The following NCBP3 variants were observed in gnomAD, a reference collection of about 807,000 sequenced individuals.
NCBP3 encodes the protein nuclear cap binding subunit 3.
Under a neutral mutation model 75.7 loss-of-function variants are expected in NCBP3, and 20 were observed. The ratio of observed to expected loss-of-function variants is 0.26; its 90% CI spans 0.19 to 0.38. The LOEUF (loss-of-function observed/expected upper bound fraction) is 0.38, where lower values mean the gene tolerates loss of function less well. NCBP3 is among the 10% of genes least tolerant of loss of function. The probability of loss-of-function intolerance (pLI) is 1.00; values close to 1 mark genes in which losing one functional copy is unlikely to be tolerated. For missense variants in NCBP3, 678 were observed against 796.9 expected, an observed-to-expected ratio of 0.85 and a Z score of 1.80; for synonymous variants, 293 against 290.5, an observed-to-expected ratio of 1.01 and a Z score of -0.09.
chr17:3,819,080 G>C (rs2053610347), intron 9 of NCBP3, among the ~76,000 whole-genome samples: 1 of 151,740 alleles, frequency 6.6e-6, no homozygotes, highest in Non-Finnish European at 1.5e-5. Flanking sequence ...TGATTTCACT[G>C]CTTAAAATGG....
In NCBP3 at chr17:3,817,941, A is replaced by G. The variant is rs772347307; in HGVS notation, c.1310+322T>C. 2.3e-4 allele frequency among the ~76,000 whole-genome samples: 35 copies of G among 151,762 alleles called. 1 individual carries two copies. Among genetic ancestry groups the G allele is most frequent in the South Asian group, 1.9e-3 (9 of 4,822 alleles). ...ATAAAAAGTATACTTTTATACAAATATATCTACAGCTTTTCCCTGTGCCAT... is the reference window on the plus strand; with the variant it reads ...ATAAAAAGTATACTTTTATACAAATGTATCTACAGCTTTTCCCTGTGCCAT... On this transcript the variant is annotated intron_variant, in intron 10 of 12. Transcript: ENST00000389005.
Position 3,841,948 on chromosome 17 carries a change from G to A in NCBP3, c.249+1138C>T, listed in dbSNP as rs148687801. On this transcript the variant is annotated intron_variant, in intron 2 of 12. Transcript: ENST00000389005. ...ATTCAGAAATGTAATACAAAATTCT[G>A]TTCCAAACTTAACTGTAAACATTAA... Among the ~76,000 whole-genome samples the A allele has an allele frequency of 4.9e-3, 736 of 151,746 alleles. 2 individuals are homozygous for A. The highest frequency in any genetic ancestry group is 0.017 in the African/African-American group (693 of 41,334).
intron 7 of NCBP3, chr17:3,822,692 T>C (rs218721): frequency 0.12 from 18,199 of 152,266 alleles, 1,971 homozygotes; most frequent in African/African-American, 0.29. Context: ...TTGTCAAAAG[T>C]AGTAATACAA....
intron 1 of NCBP3, among the ~76,000 whole-genome samples, chr17:3,845,509 G>C (rs1321037333): frequency 1.3e-5 from 2 of 152,100 alleles, no homozygotes; most frequent in African/African-American, 2.4e-5. Flanking sequence ...AGCTGCGGGG[G>C]GGGCAAGATG....
chr17:3,814,282 C>T (rs2053483338), intron 12 of NCBP3, 40 bp downstream of exon 12: 3 of 1,607,462 alleles, frequency 1.9e-6, no homozygotes, highest in African/African-American at 2.7e-5. Flanking sequence ...CCTCTGCTCT[C>T]ACTGAATCCC....
chr17:3,809,683 A>C lies in NCBP3; in HGVS notation c.*3361T>G, dbSNP rs1432869634. On this transcript the variant is annotated 3_prime_UTR_variant, in exon 13 of 13. Transcript: ENST00000389005. ...ATCGTGCCATTGCACTCCAGCCTGCACAACAAGAGCGAAACTGTGTCTCAA... is the reference window on the plus strand; with the variant it reads ...ATCGTGCCATTGCACTCCAGCCTGCCCAACAAGAGCGAAACTGTGTCTCAA... 6.6e-6 allele frequency: 1 copy of C among 152,216 alleles called. No homozygotes were observed. 9.4% of individuals were successfully genotyped at this position (152,216 alleles called of 1,614,324 possible). A position where few individuals can be genotyped will look rare whatever the true frequency, so the allele number is the denominator to read the frequency against.
rs983439400 is a variant in NCBP3 at position 3,804,315 on chromosome 17, G to A, written c.*8729C>T. 3 of 152,084 alleles carry A rather than the reference G, an allele frequency of 2.0e-5. No individual in the cohort carries two copies. The highest frequency in any genetic ancestry group is 7.2e-5 in the African/African-American group (3 of 41,392). The allele number at this position is 152,084 out of a possible 1,614,324, so 9.4% of individuals were successfully genotyped here. Reference sequence around the variant, plus strand: ...TAATCCCAGCACTTTGGGAAGCCGAGGTAGGCGGATCGCCTGAGTTCAGGA... The same window carrying A: ...TAATCCCAGCACTTTGGGAAGCCGAAGTAGGCGGATCGCCTGAGTTCAGGA... On this transcript the variant is annotated 3_prime_UTR_variant, in exon 13 of 13. Transcript: ENST00000389005.
At position 3,825,785 on chromosome 17, in the gene NCBP3, C is replaced by T; in HGVS notation, c.669G>A (p.Glu223=). 6.4e-7 allele frequency: 1 copy of T among 1,550,964 alleles called. No homozygotes were observed. Among genetic ancestry groups the T allele is most frequent in the Non-Finnish European group, 8.7e-7 (1 of 1,146,526 alleles). ...TACTAACCTCTACATCACTTGAGTT[C>T]TCATCTTCAACCTCTCCTTCTTCAG... ...DEAEEGEVED[E]NSSDVELDTL... is the part of the protein sequence containing the mutation. Residue 223 remains glutamate (E), a synonymous_variant, in exon 6 of 13, where the codon GAG becomes GAA. Transcript: ENST00000389005.
rs1174567827 is a variant in NCBP3, at chr17:3,809,332, G to A, written c.*3712C>T. The A allele has an allele frequency of 6.6e-6, 1 of 152,052 alleles. No individual in the cohort carries two copies. Among genetic ancestry groups the A allele is most frequent in the Non-Finnish European group, 1.5e-5 (1 of 68,028 alleles). The allele number at this position is 152,052 out of a possible 1,614,324, so 9.4% of individuals were successfully genotyped here. A position where few individuals can be genotyped will look rare whatever the true frequency, so the allele number is the denominator to read the frequency against. ...TATGACTCAGCAATTCCACTCCTAG[G>A]TATATACCCAAGAGTCATGAAAATA... On this transcript the variant is annotated 3_prime_UTR_variant, in exon 13 of 13. Transcript: ENST00000389005.
intron 4 of NCBP3, among the ~76,000 whole-genome samples, chr17:3,827,455 A>G (rs1051594733): frequency 1.3e-5 from 2 of 152,252 alleles, no homozygotes; most frequent in Admixed American, 1.3e-4. Flanking sequence ...GATATGTAGA[A>G]TGGAGGCATG....
At chr17:3,838,386 T>G (rs2054011885) in intron 3 of NCBP3, among the ~76,000 whole-genome samples, 1 of 152,218 alleles carries the variant, frequency 6.6e-6, no homozygotes, top group African/African-American at 2.4e-5. Context: ...GACTCACAGG[T>G]ATGCTTGCGC....
intron 2 of NCBP3, among the ~76,000 whole-genome samples, chr17:3,841,524 G>A (rs2054061679): frequency 6.7e-6 from 1 of 149,650 alleles, no homozygotes; most frequent in Non-Finnish European, 1.5e-5. Flanking sequence ...ATTATGAATA[G>A]TTTACTTTTT....
chr17:3,838,868 C>G (rs2054019452), intron 3 of NCBP3, among the ~76,000 whole-genome samples: 1 of 152,184 alleles, frequency 6.6e-6, no homozygotes, highest in African/African-American at 2.4e-5. Flanking sequence ...AAGTTCACAA[C>G]AAATAGCAGC....
At chr17:3,840,258 A>T in intron 2 of NCBP3, 53 bp from the exon 3 acceptor site, 1 of 1,410,866 alleles carries the variant, frequency 7.1e-7, no homozygotes, top group Non-Finnish European at 9.8e-7. Context: ...GGCGAGTTAA[A>T]TCACACATGC....
chr17:3,844,290 C>T (rs1343010900), intron 1 of NCBP3, among the ~76,000 whole-genome samples: 5 of 152,188 alleles, frequency 3.3e-5, no homozygotes, highest in Non-Finnish European at 5.9e-5. Context: ...CTTGACCTCT[C>T]TGGGTCTCAG....
intron 3 of NCBP3, among the ~76,000 whole-genome samples, chr17:3,839,136 G>A (rs1346921250): frequency 1.3e-5 from 2 of 152,066 alleles, no homozygotes; most frequent in African/African-American, 4.8e-5. Flanking sequence ...TTTATAAATT[G>A]CTTTAGAAAA....
intron 4 of NCBP3, among the ~76,000 whole-genome samples, chr17:3,827,269 A>C (rs1004647826): frequency 2.6e-5 from 4 of 152,248 alleles, no homozygotes; most frequent in African/African-American, 9.6e-5. Context: ...ACAGGTAGTT[A>C]AACACTCAAT....
chr17:3,808,271 C>G lies in NCBP3; in HGVS notation c.*4773G>C, dbSNP rs892618774. On this transcript the variant is annotated 3_prime_UTR_variant, in exon 13 of 13. Transcript: ENST00000389005. Reference sequence around the variant, plus strand: ...AAACAGTAATGTGTTCCCACATGGGCAAGAAATGACTACATGGGACCTCAA... The same window carrying G: ...AAACAGTAATGTGTTCCCACATGGGGAAGAAATGACTACATGGGACCTCAA... 1.3e-5 allele frequency: 2 copies of G among 152,228 alleles called. No homozygotes were observed. Among genetic ancestry groups the G allele is most frequent in the African/African-American group, 4.8e-5 (2 of 41,458 alleles). The allele number at this position is 152,228 out of a possible 1,614,324, so 9.4% of individuals were successfully genotyped here.
chr17:3,827,498 T>C (rs76387853), intron 4 of NCBP3, among the ~76,000 whole-genome samples: 1,584 of 152,360 alleles, frequency 0.01, 34 homozygotes, highest in African/African-American at 0.036. Flanking sequence ...ACTAATTTAA[T>C]GTGCCTCTTT....
Sources: gnomAD v4.1 joint callset for allele counts (sites outside exome capture counted in the v4.1 genomes callset) on GRCh38, gnomAD v4.1.1 for gene constraint, MANE v1.5 for transcripts, NCBI Gene and HGNC (gene_info 2026-07-23, HGNC 2026-07-21) for gene names.